FHIP1A: variants seen among roughly 807,000 people sequenced by gnomAD.
The protein encoded by FHIP1A is FHF complex subunit HOOK interacting protein 1A, also known as FHF complex subunit HOOK-interacting protein 1A.
A neutral mutation model predicts 88.6 loss-of-function variants in FHIP1A; 61 were observed. The ratio of observed to expected loss-of-function variants is 0.69; its 90% confidence interval spans 0.56 to 0.85. The LOEUF is 0.85. FHIP1A is among the 40% of genes least tolerant of loss of function. The pLI is 0.00. For missense variants in FHIP1A, 1,154 were observed against 1,273.5 expected, an observed-to-expected ratio of 0.91 and a Z score of 1.43; for synonymous variants, 478 against 496.0, an observed-to-expected ratio of 0.96 and a Z score of 0.48.
chr4:151,462,343 TTTC>T (rs1729170139), intron 2 of FHIP1A, among the ~76,000 whole-genome samples: 1 of 152,152 alleles, frequency 6.6e-6, no homozygotes, highest in African/African-American at 2.4e-5. Context: ...CTTTCTTGGT[TTTC>T]TTTCTACATG....
chr4:151,427,507 G>C (rs927457695), intron 1 of FHIP1A, among the ~76,000 whole-genome samples: 134 of 152,216 alleles, frequency 8.8e-4, no homozygotes, highest in Non-Finnish European at 6.2e-4. Flanking sequence ...CTATAAGTCA[G>C]ACACAAAAAC....
At chr4:151,412,125 C>T (rs752561184) in intron 1 of FHIP1A, among the ~76,000 whole-genome samples, 10 of 152,048 alleles carry the variant, frequency 6.6e-5, no homozygotes, top group Non-Finnish European at 1.3e-4. Context: ...TTTTTTGAGA[C>T]GGAGTTTCAC....
chr4:151,505,242 G>A (rs777269666), intron 3 of FHIP1A, among the ~76,000 whole-genome samples: 40 of 152,222 alleles, frequency 2.6e-4, no homozygotes, highest in Non-Finnish European at 4.4e-4. Context: ...GGAAAATGGG[G>A]GTCTCTGATT....
intron 3 of FHIP1A, among the ~76,000 whole-genome samples, chr4:151,563,348 A>T: frequency 6.7e-6 from 1 of 148,918 alleles, no homozygotes; most frequent in East Asian, 1.9e-4. Context: ...GAAGAAAGAT[A>T]AAAAAAAAAT....
intron 7 of FHIP1A, among the ~76,000 whole-genome samples, chr4:151,617,420 GA>G (rs965218779): frequency 6.6e-6 from 1 of 152,066 alleles, no homozygotes; most frequent in African/African-American, 2.4e-5. Flanking sequence ...ACCTGGTTTT[GA>G]AAACCTCTCC....
chr4:151,550,754 T>C (rs1012616975), intron 3 of FHIP1A, among the ~76,000 whole-genome samples: 4 of 152,228 alleles, frequency 2.6e-5, no homozygotes, highest in Admixed American at 6.5e-5. Context: ...TTGCTTGACA[T>C]CCTGGGATGC....
At chr4:151,599,300 C>G (rs897831359) in intron 7 of FHIP1A, among the ~76,000 whole-genome samples, 5 of 152,130 alleles carry the variant, frequency 3.3e-5, no homozygotes, top group African/African-American at 9.7e-5. Context: ...GTTTTGTTGT[C>G]TCTGTATGTT....
chr4:151,594,700 A>G (rs1049469038), intron 7 of FHIP1A, among the ~76,000 whole-genome samples: 6 of 151,722 alleles, frequency 4.0e-5, no homozygotes, highest in African/African-American at 1.5e-4. Flanking sequence ...CAGCCTCCGG[A>G]GTAGTTGGGA....
chr4:151,473,311 T>C (rs550176927), intron 2 of FHIP1A, among the ~76,000 whole-genome samples: 2 of 152,262 alleles, frequency 1.3e-5, no homozygotes, highest in Admixed American at 1.3e-4. Flanking sequence ...TCTCAATGCT[T>C]ATCTTTTTTT....
intron 1 of FHIP1A, among the ~76,000 whole-genome samples, chr4:151,453,692 AAC>A (rs757207590): frequency 6.6e-6 from 1 of 152,172 alleles, no homozygotes; most frequent in Non-Finnish European, 1.5e-5. Context: ...CTCTACTAAA[AAC>A]ACAAATGCGT....
intron 7 of FHIP1A, among the ~76,000 whole-genome samples, chr4:151,617,261 T>G (rs373683293): frequency 9.2e-5 from 14 of 152,264 alleles, no homozygotes; most frequent in East Asian, 7.7e-4. Flanking sequence ...GTATCATGTC[T>G]GCATAAATTC....
At chr4:151,432,655 A>C (rs1441659208) in intron 1 of FHIP1A, among the ~76,000 whole-genome samples, 1 of 152,182 alleles carries the variant, frequency 6.6e-6, no homozygotes. Context: ...TTGTGCAGTG[A>C]TCAATGTATG....
intron 7 of FHIP1A, among the ~76,000 whole-genome samples, chr4:151,602,037 C>T (rs982357661): frequency 2.6e-5 from 4 of 151,996 alleles, no homozygotes; most frequent in African/African-American, 9.7e-5. Context: ...TTCAATGTCA[C>T]CAGAACAGCA....
chr4:151,479,559 T>A (rs187907523), intron 2 of FHIP1A, among the ~76,000 whole-genome samples: 9 of 152,224 alleles, frequency 5.9e-5, no homozygotes, highest in African/African-American at 1.7e-4. Context: ...ATTGAATTGT[T>A]TGAAACTTCT....
intron 6 of FHIP1A, 59 bp downstream of exon 6, chr4:151,586,858 C>T: frequency 7.9e-7 from 1 of 1,265,972 alleles, no homozygotes; most frequent in South Asian, 1.8e-5. Context: ...ACAAGCACTG[C>T]AAAGGATTAA....
chr4:151,475,148 T>C (rs962651083), intron 2 of FHIP1A, among the ~76,000 whole-genome samples: 4 of 152,212 alleles, frequency 2.6e-5, no homozygotes, highest in South Asian at 2.1e-4. Flanking sequence ...TAAGTATCCA[T>C]TCATTCATTT....
intron 11 of FHIP1A, among the ~76,000 whole-genome samples, chr4:151,653,354 G>GTC (rs10654685): frequency 0.012 from 1,884 of 151,912 alleles, 36 homozygotes; most frequent in African/African-American, 0.043. Context: ...CTCTGTGTGT[G>GTC]TGTCTCTCTC....
intron 3 of FHIP1A, among the ~76,000 whole-genome samples, chr4:151,491,455 A>G (rs1398316175): frequency 6.6e-6 from 1 of 152,188 alleles, no homozygotes; most frequent in Admixed American, 6.5e-5. Context: ...ACTTGCTACT[A>G]CCAAGCAAGC....
chr4:151,513,013 A>T (rs1408740001), intron 3 of FHIP1A, among the ~76,000 whole-genome samples: 2 of 152,202 alleles, frequency 1.3e-5, no homozygotes, highest in African/African-American at 4.8e-5. Flanking sequence ...GATTCACCAA[A>T]GTTGAAATGA....
Sources: allele counts gnomAD v4.1 joint callset (sites outside exome capture counted in the v4.1 genomes callset), GRCh38; gene constraint gnomAD v4.1.1; transcripts MANE v1.5; gene names NCBI Gene and HGNC (gene_info 2026-07-23, HGNC 2026-07-21).